Variants in ELAPOR1 observed in about 807,000 individuals in gnomAD.
ELAPOR1 encodes endosome/lysosome-associated apoptosis and autophagy regulator 1.
In ELAPOR1, 77 loss-of-function variants were observed where a neutral mutation model predicts 119.7. That is an observed-to-expected ratio of 0.64 (90% CI 0.54 to 0.78). ELAPOR1 has a LOEUF of 0.78. Ranked by LOEUF, ELAPOR1 falls within the 30% of genes least tolerant of loss-of-function variation. The pLI, the probability that ELAPOR1 is intolerant of heterozygous loss-of-function variation, is 0.00. For missense variants in ELAPOR1, 1,115 were observed against 1,270.4 expected, an observed-to-expected ratio of 0.88 and a Z score of 1.86; for synonymous variants, 481 against 487.2, an observed-to-expected ratio of 0.99 and a Z score of 0.17.
At chr1:109,191,951 T>G in intron 13 of ELAPOR1, 88 bp downstream of exon 13, 1 of 1,499,172 alleles carries the variant, frequency 6.7e-7, no homozygotes, top group Admixed American at 1.8e-5. Context: ...GAGTGTGAAG[T>G]TCAGAATCTG....
intron 8 of ELAPOR1, among the ~76,000 whole-genome samples, chr1:109,185,448 C>G (rs1324593306): frequency 6.6e-6 from 1 of 152,310 alleles, no homozygotes; most frequent in East Asian, 1.9e-4. Flanking sequence ...CCTGCCTGTC[C>G]GTACACAATG....
In ELAPOR1 at chr1:109,205,709, T is replaced by C. The variant is rs1219462509; in HGVS notation, c.*2697T>C. 6.6e-6 allele frequency: 1 copy of C among 152,164 alleles called. No individual in the cohort carries two copies. The highest frequency in any genetic ancestry group is 1.5e-5 in the Non-Finnish European group (1 of 68,020). The allele number at this position is 152,164 out of a possible 1,614,324, so 9.4% of individuals were successfully genotyped here. A position where few individuals can be genotyped will look rare whatever the true frequency, so the allele number is the denominator to read the frequency against. On this transcript the variant is annotated 3_prime_UTR_variant, in exon 22 of 22. Coordinates refer to ENST00000369939, the MANE Select transcript of ELAPOR1 (RefSeq NM_020775.5). ...CGGAAACAGTAGGAAAAATTACATA[T>C]GTCTTTGACTTCTTTATTCTGACTC...
chr1:109,172,452 A>C, intron 4 of ELAPOR1, 36 bp from the exon 5 acceptor site: 1 of 1,505,770 alleles, frequency 6.6e-7, no homozygotes, highest in Non-Finnish European at 9.2e-7. Flanking sequence ...TTCCTTAGAA[A>C]GCTGAGACTC....
intron 17 of ELAPOR1, 144 bp from the exon 18 acceptor site, chr1:109,198,429 C>A (rs1653961209): frequency 1.5e-6 from 1 of 678,732 alleles, no homozygotes; most frequent in Non-Finnish European, 2.5e-6. Context: ...TAAACCAAGG[C>A]CTGTGCACTC....
At position 109,184,535 on chromosome 1, in the gene ELAPOR1, T is replaced by C. The variant is rs142423657; in HGVS notation, c.953-510T>C. Among the ~76,000 whole-genome samples the C allele has an allele frequency of 2.0e-5, 3 of 152,312 alleles. No homozygotes were observed. The East Asian group carries it at 5.8e-4, about 29-fold the overall frequency. ...AGGTGGAAGGCCTTCATTCTAGGCA[T>C]ATATTAGAACATTCATAGAAAGGCT... is the stretch of plus-strand genomic sequence containing the variant. On this transcript the variant is annotated intron_variant, in intron 7 of 21. Coordinates refer to ENST00000369939, the MANE Select transcript of ELAPOR1 (RefSeq NM_020775.5).
At chr1:109,191,562 C>A in intron 12 of ELAPOR1, 91 bp downstream of exon 12, 4 of 1,373,362 alleles carry the variant, frequency 2.9e-6, no homozygotes, top group African/African-American at 1.4e-5. Flanking sequence ...CTGACACCCC[C>A]CCTTGTAGTG....
intron 1 of ELAPOR1, among the ~76,000 whole-genome samples, chr1:109,127,237 A>G (rs1483726423): frequency 1.6e-5 from 2 of 123,664 alleles, no homozygotes; most frequent in Non-Finnish European, 3.3e-5. Context: ...TTTTTTTAAG[A>G]TGGAGTCTTG....
rs1647816557 is a variant in ELAPOR1, at chr1:109,114,282, G to A, written c.99G>A (p.Gly33=). 6.2e-7 allele frequency: 1 copy of A among 1,600,804 alleles called. No homozygotes were observed. The highest frequency in any genetic ancestry group is 1.3e-5 in the African/African-American group (1 of 74,852). ...PRLWRLLLWA[G]TAFQVTQGTG... ...TGTGGCGGCTGCTGCTCTGGGCTGG[G>A]ACCGCCTTCCAGGTGACCCAGGGAA... The change falls in exon 1 of 22, where the codon GGG becomes GGA. Residue 33 remains glycine, a synonymous_variant. Coordinates refer to ENST00000369939, the MANE Select transcript of ELAPOR1 (RefSeq NM_020775.5).
At chr1:109,182,802 G>A (rs1652775489) in intron 7 of ELAPOR1, among the ~76,000 whole-genome samples, 1 of 149,582 alleles carries the variant, frequency 6.7e-6, no homozygotes, top group Admixed American at 6.7e-5. Context: ...GGGAGGCGGA[G>A]CTTGCAGTGA....
In ELAPOR1 at chr1:109,189,636, TCAGA is replaced by T. The variant is rs1395816654; in HGVS notation, c.1396_1399del (p.Asp466MetfsTer4). ...TCACATTTACACAGCTGCTGGAGCC[TCAGA>T]CAATGACTTCATGATTCTCACTCTG... On this transcript the variant is annotated frameshift_variant, in exon 11 of 22. Transcript: ENST00000369939. LOFTEE classifies it high-confidence loss of function. The T allele has an allele frequency of 1.2e-6, 2 of 1,614,166 alleles. No homozygotes were observed. The highest frequency in any genetic ancestry group is 3.3e-5 in the Admixed American group (2 of 60,016).
intron 7 of ELAPOR1, among the ~76,000 whole-genome samples, chr1:109,184,016 C>T (rs1467907707): frequency 6.6e-6 from 1 of 151,920 alleles, no homozygotes; most frequent in East Asian, 1.9e-4. Context: ...AAGATTGTAC[C>T]ACTGCAGTCC....
In ELAPOR1 at chr1:109,200,182, T is replaced by A; in HGVS notation, c.2752T>A (p.Cys918Ser). 1 of 1,614,236 alleles carries A rather than the reference T, an allele frequency of 6.2e-7. No individual in the cohort carries two copies. Among genetic ancestry groups the A allele is most frequent in the Non-Finnish European group, 8.5e-7 (1 of 1,180,036 alleles). Residue 918 changes from cysteine to serine, a missense_variant, in exon 20 of 22, where the codon TGT becomes AGT. Transcript: ENST00000369939. Reference protein sequence around the residue: ...WLKVGISAGTCTAILLTVLTC... With the variant: ...WLKVGISAGTSTAILLTVLTC... ...GAAAGTGGGCATCTCTGCAGGCACC[T>A]GTACTGCCATCCTGCTCACCGTCTT...
rs542783408 is a variant in ELAPOR1 at position 109,139,323 on chromosome 1, A to C, written c.154-22571A>C. On this transcript the variant is annotated intron_variant, in intron 1 of 21. Transcript: ENST00000369939. ...ACCACTGCACTCCAGCCTGGGTGAC[A>C]CAGCGAGACCTCATCTCAAAAAATA... 2.6e-5 allele frequency among the ~76,000 whole-genome samples: 4 copies of C among 152,274 alleles called. No individual in the cohort carries two copies. The South Asian group carries it at 8.3e-4, about 32-fold the overall frequency.
rs369386718 is a variant in ELAPOR1, at chr1:109,177,417, C to T, written c.952+3580C>T. Among the ~76,000 whole-genome samples the T allele has an allele frequency of 1.3e-3, 161 of 124,640 alleles. 8 individuals carry two copies. The highest frequency in any genetic ancestry group is 5.3e-3 in the African/African-American group (150 of 28,452). The allele number at this position is 124,640 out of a possible 152,430, so 81.8% of individuals were successfully genotyped here. On this transcript the variant is annotated intron_variant, in intron 7 of 21. Coordinates refer to ENST00000369939, the MANE Select transcript of ELAPOR1 (RefSeq NM_020775.5). The stretch of plus-strand genomic sequence containing the variant: ...GCAGAGACGCTCCTCACATCCTGGA[C>T]GGGGCGGCAGGGCAGAGGTGCTCCC...
intron 7 of ELAPOR1, among the ~76,000 whole-genome samples, chr1:109,180,097 A>G (rs1652602594): frequency 6.6e-6 from 1 of 152,220 alleles, no homozygotes; most frequent in Non-Finnish European, 1.5e-5. Context: ...GAGAACTCAC[A>G]GGAGCATTGT....
At chr1:109,158,915 G>A (rs549687659) in intron 1 of ELAPOR1, among the ~76,000 whole-genome samples, 21 of 146,054 alleles carry the variant, frequency 1.4e-4, no homozygotes, top group East Asian at 7.9e-4. Context: ...TTTTTTAGAC[G>A]GAGTCTTGCT....
intron 1 of ELAPOR1, among the ~76,000 whole-genome samples, chr1:109,153,838 G>C (rs978676053): frequency 6.6e-6 from 1 of 151,952 alleles, no homozygotes; most frequent in East Asian, 1.9e-4. Flanking sequence ...TGGCCAGGCT[G>C]GTCTGGAACT....
chr1:109,150,027 G>A (rs1650432890), intron 1 of ELAPOR1, among the ~76,000 whole-genome samples: 1 of 152,210 alleles, frequency 6.6e-6, no homozygotes, highest in Non-Finnish European at 1.5e-5. Context: ...CCGCAGTCCT[G>A]TCTCCCTCAC....
chr1:109,130,005 G>A (rs1313942753), intron 1 of ELAPOR1, among the ~76,000 whole-genome samples: 3 of 151,844 alleles, frequency 2.0e-5, no homozygotes, highest in Admixed American at 1.3e-4. Flanking sequence ...TCCAGCCTCT[G>A]GTGGTTGCCA....
Sources: allele counts gnomAD v4.1 joint callset (sites outside exome capture counted in the v4.1 genomes callset), GRCh38; gene constraint gnomAD v4.1.1; transcripts MANE v1.5; gene names NCBI Gene and HGNC (gene_info 2026-07-23, HGNC 2026-07-21).